NBEA: variants seen among roughly 807,000 people sequenced by gnomAD.
NBEA encodes the protein lysosomal-trafficking regulator 2.
NBEA carries 44 observed loss-of-function variants against 343.4 expected under a neutral mutation model. That is an observed-to-expected ratio of 0.13 (90% CI 0.10 to 0.16). NBEA has a LOEUF of 0.16. Among genes scored for constraint, NBEA ranks in the 10% least tolerant of loss-of-function variants. The pLI is 1.00. For synonymous variants in NBEA, 1,175 were observed against 1,238.7 expected (o/e 0.95, Z 1.08); for missense variants, 2,555 against 3,631.3 (o/e 0.70, Z 7.62).
intron 8 of NBEA, among the ~76,000 whole-genome samples, chr13:35,066,069 C>G (rs1339127624): frequency 6.6e-6 from 1 of 152,070 alleles, no homozygotes; most frequent in Non-Finnish European, 1.5e-5. Flanking sequence ...TCAGGCTATC[C>G]TCCTGCCTCA....
intron 1 of NBEA, among the ~76,000 whole-genome samples, chr13:35,019,668 C>T (rs1471725556): frequency 6.6e-6 from 1 of 152,100 alleles, no homozygotes; most frequent in Non-Finnish European, 1.5e-5. Flanking sequence ...AGGCTTGTAA[C>T]TACAAATTTA....
At chr13:35,091,632 G>A (rs1387707713) in intron 10 of NBEA, among the ~76,000 whole-genome samples, 1 of 151,852 alleles carries the variant, frequency 6.6e-6, no homozygotes, top group Non-Finnish European at 1.5e-5. Context: ...ATACAAAAAT[G>A]ACTTGTATTT....
At chr13:35,166,882 A>AT (rs2070078497) in intron 24 of NBEA, among the ~76,000 whole-genome samples, 2 of 152,150 alleles carry the variant, frequency 1.3e-5, no homozygotes, top group Admixed American at 1.3e-4. Context: ...CCAAAAGAGA[A>AT]TTTTGGAAGG....
chr13:35,147,018 C>A (rs942633241), intron 18 of NBEA, among the ~76,000 whole-genome samples: 1 of 152,200 alleles, frequency 6.6e-6, no homozygotes, highest in Non-Finnish European at 1.5e-5. Flanking sequence ...CAAGGCATCT[C>A]TGGAACAAAG....
At chr13:35,108,778 G>A (rs1305368475) in intron 11 of NBEA, among the ~76,000 whole-genome samples, 1 of 151,996 alleles carries the variant, frequency 6.6e-6, no homozygotes, top group Non-Finnish European at 1.5e-5. Context: ...TTCTTGAAGC[G>A]AGTGTTCAGC....
intron 35 of NBEA, among the ~76,000 whole-genome samples, 172 bp from the exon 36 acceptor site, chr13:35,309,356 T>A (rs1032755098): frequency 6.6e-6 from 1 of 152,164 alleles, no homozygotes; most frequent in African/African-American, 2.4e-5. Flanking sequence ...AACTAAGTGA[T>A]AAAACTAAAA....
intron 10 of NBEA, among the ~76,000 whole-genome samples, chr13:35,076,440 A>G (rs1453540855): frequency 6.6e-6 from 1 of 152,118 alleles, no homozygotes; most frequent in Non-Finnish European, 1.5e-5. Context: ...AAAATACATT[A>G]TTCTGTCTGA....
intron 48 of NBEA, among the ~76,000 whole-genome samples, chr13:35,627,418 G>C (rs1014301556): frequency 6.6e-6 from 1 of 152,094 alleles, no homozygotes; most frequent in Non-Finnish European, 1.5e-5. Flanking sequence ...GCTTCTGATG[G>C]CTTCTTAGGA....
intron 36 of NBEA, among the ~76,000 whole-genome samples, chr13:35,343,487 C>A (rs2039703086): frequency 6.6e-6 from 1 of 152,120 alleles, no homozygotes; most frequent in East Asian, 1.9e-4. Flanking sequence ...AATCTGATCA[C>A]ATGGTTCAGG....
intron 38 of NBEA, among the ~76,000 whole-genome samples, chr13:35,382,128 T>C (rs1474397647): frequency 6.6e-6 from 1 of 152,092 alleles, no homozygotes; most frequent in Non-Finnish European, 1.5e-5. Flanking sequence ...AAACATCTTA[T>C]ATAGGGCACT....
intron 34 of NBEA, among the ~76,000 whole-genome samples, chr13:35,285,174 A>T (rs1337989032): frequency 6.6e-6 from 1 of 152,124 alleles, no homozygotes; most frequent in African/African-American, 2.4e-5. Flanking sequence ...TCAAGCCTGT[A>T]ATCCCAGCAC....
intron 17 of NBEA, among the ~76,000 whole-genome samples, chr13:35,138,992 C>G (rs904705171): frequency 7.6e-5 from 11 of 144,480 alleles, no homozygotes; most frequent in African/African-American, 2.8e-4. Context: ...TATGGGGTTT[C>G]TTTTCTTTCT....
chr13:35,443,437 A>G (rs779746370), intron 39 of NBEA, among the ~76,000 whole-genome samples: 1 of 151,942 alleles, frequency 6.6e-6, no homozygotes, highest in South Asian at 2.1e-4. Context: ...GATAATATCT[A>G]TTTTGGATTA....
At chr13:35,027,942 C>A (rs764920831) in intron 1 of NBEA, among the ~76,000 whole-genome samples, 2 of 151,808 alleles carry the variant, frequency 1.3e-5, no homozygotes, top group Non-Finnish European at 2.9e-5. Flanking sequence ...GTTGTTCATC[C>A]TCCATTTAAT....
At chr13:35,133,432 T>C (rs1208841567) in intron 17 of NBEA, among the ~76,000 whole-genome samples, 1 of 152,088 alleles carries the variant, frequency 6.6e-6, no homozygotes, top group Non-Finnish European at 1.5e-5. Flanking sequence ...TGAAGAACAA[T>C]TTACAATTTT....
intron 30 of NBEA, among the ~76,000 whole-genome samples, chr13:35,184,952 T>C (rs1318842855): frequency 6.6e-6 from 1 of 152,136 alleles, no homozygotes; most frequent in Non-Finnish European, 1.5e-5. Flanking sequence ...TGTGATTAGG[T>C]TATGCTGTAT....
intron 1 of NBEA, among the ~76,000 whole-genome samples, chr13:34,996,240 A>G (rs1213477010): frequency 6.6e-6 from 1 of 152,232 alleles, no homozygotes; most frequent in Non-Finnish European, 1.5e-5. Context: ...AATCCTGAAT[A>G]ATTAAATAAA....
At chr13:35,416,321 A>T (rs1484208332) in intron 38 of NBEA, among the ~76,000 whole-genome samples, 1 of 152,200 alleles carries the variant, frequency 6.6e-6, no homozygotes, top group Non-Finnish European at 1.5e-5. Context: ...CCAGTTTTCA[A>T]AGGAAGTGCT....
At chr13:35,144,579 G>T (rs2068299355) in intron 18 of NBEA, among the ~76,000 whole-genome samples, 1 of 152,090 alleles carries the variant, frequency 6.6e-6, no homozygotes, top group Non-Finnish European at 1.5e-5. Context: ...GGAGTTTTTT[G>T]TTCTCCTGCA....
Sources: allele counts gnomAD v4.1 joint callset (sites outside exome capture counted in the v4.1 genomes callset), GRCh38; gene constraint gnomAD v4.1.1; transcripts MANE v1.5; gene names NCBI Gene and HGNC (gene_info 2026-07-23, HGNC 2026-07-21).